The following AGAP4 variants were observed in gnomAD, a reference collection of about 807,000 sequenced individuals.
AGAP4 encodes arf-GAP with GTPase, ANK repeat and PH domain-containing protein 4.
AGAP4 carries 13 observed loss-of-function variants against 60.7 expected under a neutral mutation model. The observed-to-expected ratio is 0.21, with a 90% confidence interval of 0.14 to 0.34. The LOEUF (loss-of-function observed/expected upper bound fraction) is 0.34, where lower values mean the gene tolerates loss of function less well. Ranked by LOEUF, AGAP4 falls within the 10% of genes least tolerant of loss-of-function variation. The pLI is 1.00. For missense variants in AGAP4, 169 were observed against 884.0 expected (o/e 0.19, Z 10.26); for synonymous variants, 70 against 339.0 (o/e 0.21, Z 8.72).
intron 6 of AGAP4, among the ~76,000 whole-genome samples, chr10:45,829,006 C>G (rs1425709939): frequency 4.8e-5 from 3 of 61,874 alleles, no homozygotes; most frequent in Admixed American, 3.8e-4. Flanking sequence ...CAACACTGTT[C>G]TGAATCATAC....
intron 1 of AGAP4, among the ~76,000 whole-genome samples, chr10:45,852,847 T>A (rs1192412423): frequency 1.3e-5 from 2 of 151,982 alleles, no homozygotes; most frequent in Non-Finnish European, 2.9e-5. Context: ...TTTTGGATAA[T>A]TCTTGTAGAC....
At chr10:45,848,120 T>C (rs1475806567), upstream of AGAP4, among the ~76,000 whole-genome samples, 1 of 148,138 alleles carries the variant, frequency 6.8e-6, no homozygotes, top group Non-Finnish European at 1.5e-5. Context: ...AACTAAACAC[T>C]CCTCTCCTGT....
chr10:45,831,452 A>T (rs1371035501), intron 5 of AGAP4, 23 bp from the exon 6 acceptor site: 2 of 1,588,166 alleles, frequency 1.3e-6, no homozygotes, highest in South Asian at 2.2e-5. Context: ...AAAAATTCAT[A>T]ACAATAGATG....
At position 45,844,009 on chromosome 10, in the gene AGAP4, G is replaced by A. The variant is rs1240513751; in HGVS notation, c.361+317C>T. 8.0e-5 allele frequency among the ~76,000 whole-genome samples: 12 copies of A among 149,516 alleles called. No individual in the cohort carries two copies. The South Asian group carries it at 1.0e-3, about 13-fold the overall frequency. On this transcript the variant is annotated intron_variant, in intron 3 of 7. Coordinates refer to ENST00000616763, the MANE Select transcript of AGAP4 (RefSeq NM_001276343.3). Reference sequence around the variant, plus strand: ...TTTTTGGAGCAAGGGAAAAGGGATTGTAAATAAAGATGAATCCATTAATTA... The same window carrying A: ...TTTTTGGAGCAAGGGAAAAGGGATTATAAATAAAGATGAATCCATTAATTA...
chr10:45,851,252 G>A (rs1186573410), upstream of AGAP4, among the ~76,000 whole-genome samples: 1 of 152,042 alleles, frequency 6.6e-6, no homozygotes, highest in Admixed American at 6.6e-5. Context: ...GGCATTAAGT[G>A]AAGCTTGCAA....
chr10:45,840,167 C>T (rs1460396021), intron 4 of AGAP4, among the ~76,000 whole-genome samples: 4,363 of 147,194 alleles, frequency 0.03, 186 homozygotes, highest in African/African-American at 0.1. Flanking sequence ...AAAGCTTCCG[C>T]AGATAACTAA....
At chr10:45,849,473 G>GATTCTTATTATT (rs1554900084), upstream of AGAP4, among the ~76,000 whole-genome samples, 148 of 145,036 alleles carry the variant, frequency 1.0e-3, 1 homozygote, top group Middle Eastern at 3.7e-3. Context: ...TGATGATGAT[G>GATTCTTATTATT]ATTATTATTA....
upstream of AGAP4, chr10:45,847,964 G>C (rs1333409695): frequency 5.8e-6 from 6 of 1,035,842 alleles, no homozygotes; most frequent in Non-Finnish European, 7.0e-6. Context: ...CCTAAGAAAA[G>C]CAAAGGGTAG....
upstream of AGAP4, among the ~76,000 whole-genome samples, chr10:45,852,311 GCCTGAT>G (rs1334478364): frequency 1.5e-5 from 2 of 129,666 alleles, no homozygotes; most frequent in African/African-American, 5.9e-5. Flanking sequence ...ACTAAAAAAA[GCCTGAT>G]ACACTAAACA....
At chr10:45,843,808 AT>A (rs2058958028) in intron 3 of AGAP4, among the ~76,000 whole-genome samples, 1 of 148,890 alleles carries the variant, frequency 6.7e-6, no homozygotes, top group Non-Finnish European at 1.5e-5. Flanking sequence ...GAAAAAGTTA[AT>A]AACCTAAAAC....
chr10:45,849,143 TG>T (rs782721714), upstream of AGAP4, among the ~76,000 whole-genome samples: 26,374 of 126,964 alleles, frequency 0.21, 2,275 homozygotes, highest in South Asian at 0.38. Context: ...GGAGAATCAC[TG>T]GAACTCAAGA....
At chr10:45,840,067 A>T (rs1316734184) in intron 4 of AGAP4, among the ~76,000 whole-genome samples, 1 of 150,044 alleles carries the variant, frequency 6.7e-6, no homozygotes, top group Non-Finnish European at 1.5e-5. Flanking sequence ...TCAAGAAGAG[A>T]TAGTCTGCAG....
chr10:45,852,159 G>A (rs1391290674), upstream of AGAP4, among the ~76,000 whole-genome samples: 12 of 140,134 alleles, frequency 8.6e-5, no homozygotes, highest in Non-Finnish European at 1.3e-4. Context: ...TGATCTGCCC[G>A]CCTCGGCCTC....
intron 5 of AGAP4, among the ~76,000 whole-genome samples, chr10:45,831,644 G>A (rs1232428035): frequency 3.2e-5 from 4 of 124,030 alleles, no homozygotes; most frequent in African/African-American, 8.9e-5. Flanking sequence ...TAGAAGACGC[G>A]TTTCTGTTGG....
At chr10:45,846,069 T>G (rs2058994019) in intron 2 of AGAP4, among the ~76,000 whole-genome samples, 2 of 139,832 alleles carry the variant, frequency 1.4e-5, no homozygotes, top group African/African-American at 5.4e-5. Flanking sequence ...TTCATGTCTT[T>G]TGAAAGTTTT....
chr10:45,826,670 G>C lies in AGAP4; in HGVS notation c.1306C>G (p.Gln436Glu), dbSNP rs2058653338. Reference sequence around the variant, plus strand: ...GCCAGGATCTGGCTCTGGATGGCTTGGACCCAGGCATCCCGCTCCTCATAC... The same window carrying C: ...GCCAGGATCTGGCTCTGGATGGCTTCGACCCAGGCATCCCGCTCCTCATAC... ...TTYEERDAWV[Q>E]AIQSQILASL... Residue 436 changes from glutamine (Q) to glutamate (E), a missense_variant, in exon 8 of 8, where the codon CAA becomes GAA. By Grantham distance (29) the Gln-to-Glu change is conservative. Coordinates refer to ENST00000616763, the MANE Select transcript of AGAP4 (RefSeq NM_001276343.3). 1 of 1,349,702 alleles carries C rather than the reference G, an allele frequency of 7.4e-7. No homozygotes were observed. The highest frequency in any genetic ancestry group is 2.7e-5 in the East Asian group (1 of 37,128). 83.6% of individuals were successfully genotyped at this position (1,349,702 alleles called of 1,614,324 possible).
rs553330040 is a variant in AGAP4 at position 45,846,438 on chromosome 10, A to G, written c.292+249T>C. On this transcript the variant is annotated intron_variant, in intron 2 of 7. Transcript: ENST00000616763. Reference sequence around the variant, plus strand: ...ATGGCAAACTCCATTCTGATTTTAAATAAGAAATCCCCAAATATTTGAATA... The same window carrying G: ...ATGGCAAACTCCATTCTGATTTTAAGTAAGAAATCCCCAAATATTTGAATA... Among the ~76,000 whole-genome samples the G allele has an allele frequency of 2.0e-3, 302 of 152,088 alleles. 6 individuals are homozygous for G. Among genetic ancestry groups the G allele is most frequent in the African/African-American group, 7.1e-3 (292 of 41,358 alleles).
rs1177432177 is a variant in AGAP4, at chr10:45,847,302, C to A, written c.46G>T (p.Glu16Ter). Reference sequence around the variant, plus strand: ...ACCGACCCCTGCTGCTGGTCAAACTCGAGGCTGACGCTAGGGTGCACACGA... The same window carrying A: ...ACCGACCCCTGCTGCTGGTCAAACTAGAGGCTGACGCTAGGGTGCACACGA... ...TCRVHPSVSL[E>*]FDQQQGSVCP... The change falls in exon 1 of 8, where the codon GAG (glutamate) becomes TAG (stop). Residue 16 changes from glutamate (E) to a stop codon, truncating the protein, a stop_gained. Transcript: ENST00000616763. LOFTEE classifies it high-confidence loss of function. The A allele has an allele frequency of 6.3e-7, 1 of 1,597,006 alleles. No homozygotes were observed. Among genetic ancestry groups the A allele is most frequent in the African/African-American group, 1.3e-5 (1 of 74,722 alleles).
At chr10:45,851,858 T>C (rs1210703011), upstream of AGAP4, among the ~76,000 whole-genome samples, 1 of 150,970 alleles carries the variant, frequency 6.6e-6, no homozygotes, top group Non-Finnish European at 1.5e-5. Flanking sequence ...TCTAGAGATA[T>C]TTCTGGTAAA....
Sources: gnomAD v4.1 joint callset for allele counts (sites outside exome capture counted in the v4.1 genomes callset) on GRCh38, gnomAD v4.1.1 for gene constraint, MANE v1.5 for transcripts, NCBI Gene and HGNC (gene_info 2026-07-23, HGNC 2026-07-21) for gene names.